Variants in CDH12 observed in about 807,000 individuals in gnomAD.
CDH12 encodes cadherin 12, also known as cadherin-12.
CDH12 carries 41 observed loss-of-function variants against 74.1 expected under a neutral mutation model. That is an observed-to-expected ratio of 0.55 (90% CI 0.43 to 0.72). The LOEUF (loss-of-function observed/expected upper bound fraction) is 0.72, where lower values mean the gene tolerates loss of function less well. Among genes scored for constraint, CDH12 ranks in the 30% least tolerant of loss-of-function variants. The probability of loss-of-function intolerance (pLI) is 0.00; values close to 1 mark genes in which losing one functional copy is unlikely to be tolerated. For missense variants in CDH12, 945 were observed against 977.2 expected (o/e 0.97, Z 0.44); for synonymous variants, 399 against 355.0 (o/e 1.12, Z -1.39).
At chr5:22,239,235 G>A (rs761273718) in intron 3 of CDH12, among the ~76,000 whole-genome samples, 33 of 152,104 alleles carry the variant, frequency 2.2e-4, no homozygotes, top group Admixed American at 2.0e-4. Flanking sequence ...ATTTCCTCTG[G>A]AAACTCCAGG....
chr5:22,036,821 A>G (rs1174340387), intron 5 of CDH12, among the ~76,000 whole-genome samples: 2 of 152,220 alleles, frequency 1.3e-5, no homozygotes, highest in East Asian at 3.9e-4. Context: ...CATTTCCCAG[A>G]CAAAGGCATC....
At chr5:22,730,313 G>A (rs1266128022) in intron 1 of CDH12, among the ~76,000 whole-genome samples, 1 of 151,700 alleles carries the variant, frequency 6.6e-6, no homozygotes, top group Non-Finnish European at 1.5e-5. Flanking sequence ...AAGAGGATAA[G>A]ACCCAATCAT....
chr5:22,405,080 G>A (rs1742883028), intron 3 of CDH12, among the ~76,000 whole-genome samples, 177 bp downstream of exon 3: 1 of 151,918 alleles, frequency 6.6e-6, no homozygotes. Context: ...CGTGGTGGTG[G>A]GCGCCTGTAA....
intron 2 of CDH12, among the ~76,000 whole-genome samples, chr5:22,455,704 C>T (rs1016702124): frequency 1.3e-5 from 2 of 152,146 alleles, no homozygotes; most frequent in Non-Finnish European, 2.9e-5. Context: ...TGGTTGAAAT[C>T]ACATACACTA....
intron 1 of CDH12, among the ~76,000 whole-genome samples, chr5:22,805,551 T>C (rs890938686): frequency 1.1e-4 from 16 of 152,170 alleles, no homozygotes; most frequent in African/African-American, 3.6e-4. Context: ...GTGATCCTTA[T>C]TATGTATATT....
chr5:21,880,621 T>TCCTTCCTTCCTTCCTTCTTTCTC lies in CDH12; in HGVS notation c.527-25832_527-25831insGAGAAAGAAGGAAGGAAGGAAGG, dbSNP rs1561268481. Reference sequence around the variant, plus strand: ...CTTCCTTCCTTCCTTCCTTCCTTCTTTCTTTCTTTCTTTCTTTCTTTCTTT... The same window carrying TCCTTCCTTCCTTCCTTCTTTCTC: ...CTTCCTTCCTTCCTTCCTTCCTTCTTCCTTCCTTCCTTCCTTCTTTCTCTCTTTCTTTCTTTCTTTCTTTCTTT... On this transcript the variant is annotated intron_variant, in intron 6 of 14. Coordinates refer to ENST00000382254, the MANE Select transcript of CDH12 (RefSeq NM_004061.5). Among the ~76,000 whole-genome samples the TCCTTCCTTCCTTCCTTCTTTCTC allele has an allele frequency of 6.2e-5, 3 of 48,662 alleles. No individual in the cohort carries two copies. In the East Asian group the frequency reaches 1.9e-3, roughly 31 times the overall value. 31.9% of individuals were successfully genotyped at this position (48,662 alleles called of 152,430 possible).
At chr5:22,778,540 A>C (rs1239323817) in intron 1 of CDH12, among the ~76,000 whole-genome samples, 4 of 152,162 alleles carry the variant, frequency 2.6e-5, no homozygotes, top group Non-Finnish European at 5.9e-5. Flanking sequence ...AACTAATAAA[A>C]ATTAGAAGTG....
At position 22,368,957 on chromosome 5, in the gene CDH12, C is replaced by T. The variant is rs565205450; in HGVS notation, c.-333+36300G>A. ...CAGCCTGGCCAACATGGTGAAACCC[C>T]GTCTCTACTAAAAATACAAAAATTA... On this transcript the variant is annotated intron_variant, in intron 3 of 14. Transcript: ENST00000382254. Among the ~76,000 whole-genome samples the T allele has an allele frequency of 9.2e-5, 14 of 151,982 alleles. No homozygotes were observed. The East Asian group carries it at 1.2e-3, about 13-fold the overall frequency.
intron 1 of CDH12, among the ~76,000 whole-genome samples, chr5:22,616,998 G>A (rs72746650): frequency 7.2e-5 from 11 of 152,056 alleles, no homozygotes; most frequent in East Asian, 3.9e-4. Context: ...CTGAGTAGCC[G>A]GGACTAGAGG....
At chr5:22,638,859 G>C (rs1738975865) in intron 1 of CDH12, 1 of 151,628 alleles carries the variant, frequency 6.6e-6, no homozygotes, top group African/African-American at 2.4e-5. Flanking sequence ...GACCATCCTG[G>C]CTAACAAGGT....
chr5:22,610,985 T>C (rs1361086506), intron 1 of CDH12, among the ~76,000 whole-genome samples: 1 of 152,134 alleles, frequency 6.6e-6, no homozygotes, highest in Non-Finnish European at 1.5e-5. Flanking sequence ...TACTATGACT[T>C]CATCCCCAAA....
intron 3 of CDH12, among the ~76,000 whole-genome samples, chr5:22,230,614 G>A (rs1303262501): frequency 6.6e-6 from 1 of 151,762 alleles, no homozygotes; most frequent in East Asian, 1.9e-4. Context: ...GGGACTACAG[G>A]TGCACGCCAC....
intron 5 of CDH12, among the ~76,000 whole-genome samples, chr5:22,036,654 G>T (rs1739209684): frequency 6.6e-6 from 1 of 152,108 alleles, no homozygotes. Context: ...ATGTTAATGA[G>T]ACTTATGTAC....
intron 1 of CDH12, among the ~76,000 whole-genome samples, chr5:22,546,133 A>G (rs992242585): frequency 6.6e-6 from 1 of 152,034 alleles, no homozygotes; most frequent in Non-Finnish European, 1.5e-5. Flanking sequence ...TTTAGTAGAC[A>G]CAGGGTTTCA....
intron 6 of CDH12, among the ~76,000 whole-genome samples, chr5:21,962,998 C>T (rs1212334551): frequency 6.6e-6 from 1 of 152,028 alleles, no homozygotes; most frequent in Admixed American, 6.6e-5. Context: ...GTAGGCCTAC[C>T]CCATGCCTCT....
At chr5:22,207,777 A>T (rs1413109204) in intron 4 of CDH12, among the ~76,000 whole-genome samples, 1 of 152,228 alleles carries the variant, frequency 6.6e-6, no homozygotes, top group Non-Finnish European at 1.5e-5. Flanking sequence ...AAATGTACTT[A>T]TATAAACACA....
intron 3 of CDH12, among the ~76,000 whole-genome samples, chr5:22,222,509 T>C (rs1021942072): frequency 6.6e-6 from 1 of 151,958 alleles, no homozygotes; most frequent in South Asian, 2.1e-4. Flanking sequence ...CTCACTGAAT[T>C]TGTACTCTTT....
chr5:22,056,974 C>A (rs1740786660), intron 5 of CDH12, among the ~76,000 whole-genome samples: 1 of 152,104 alleles, frequency 6.6e-6, no homozygotes, highest in Admixed American at 6.6e-5. Context: ...ATCTTTCAGA[C>A]ACAAGATGGA....
chr5:22,829,606 G>A (rs559469515), intron 1 of CDH12, among the ~76,000 whole-genome samples: 2 of 152,290 alleles, frequency 1.3e-5, no homozygotes, highest in East Asian at 3.9e-4. Context: ...ATGTGATATT[G>A]GCAACCTTGA....
Sources: gnomAD v4.1 joint callset for allele counts (sites outside exome capture counted in the v4.1 genomes callset) on GRCh38, gnomAD v4.1.1 for gene constraint, MANE v1.5 for transcripts, NCBI Gene and HGNC (gene_info 2026-07-23, HGNC 2026-07-21) for gene names.